SPIDR: variants seen among roughly 807,000 people sequenced by gnomAD.
SPIDR encodes the protein DNA repair-scaffolding protein.
Under a neutral mutation model 104.6 loss-of-function variants are expected in SPIDR, and 93 were observed. The ratio of observed to expected loss-of-function variants is 0.89; its 90% CI spans 0.75 to 1.06. SPIDR has a LOEUF of 1.06. SPIDR is among the 50% of genes least tolerant of loss of function. SPIDR has a pLI of 0.00. For synonymous variants in SPIDR, 431 were observed against 416.9 expected, an observed-to-expected ratio of 1.03 and a Z score of -0.41; for missense variants, 1,154 against 1,111.2, an observed-to-expected ratio of 1.04 and a Z score of -0.55.
At chr8:47,397,196 CAATG>C (rs1180813878) in intron 6 of SPIDR, among the ~76,000 whole-genome samples, 1 of 151,970 alleles carries the variant, frequency 6.6e-6, no homozygotes, top group African/African-American at 2.4e-5. Context: ...AGCAAAGACT[CAATG>C]AAGGTAAGAA....
intron 11 of SPIDR, among the ~76,000 whole-genome samples, chr8:47,678,319 G>A (rs2076688217): frequency 6.6e-6 from 1 of 152,220 alleles, no homozygotes; most frequent in African/African-American, 2.4e-5. Context: ...GAGTAAGACT[G>A]TCTACTCCTG....
intron 8 of SPIDR, among the ~76,000 whole-genome samples, chr8:47,451,336 A>G (rs782338269): frequency 7.2e-5 from 11 of 152,086 alleles, no homozygotes; most frequent in East Asian, 1.9e-4. Context: ...AATCCCAGCA[A>G]TTTGGGAGGC....
chr8:47,471,908 C>A (rs1586286689), intron 8 of SPIDR, among the ~76,000 whole-genome samples: 1 of 152,222 alleles, frequency 6.6e-6, no homozygotes, highest in East Asian at 1.9e-4. Flanking sequence ...GAATTAAGGG[C>A]AATAATTCCT....
At chr8:47,582,559 G>T (rs1001672664) in intron 8 of SPIDR, among the ~76,000 whole-genome samples, 2 of 152,056 alleles carry the variant, frequency 1.3e-5, no homozygotes, top group Non-Finnish European at 2.9e-5. Context: ...GTTTAATTGA[G>T]TTCCACGTAT....
intron 8 of SPIDR, among the ~76,000 whole-genome samples, chr8:47,458,058 C>G (rs11993708): frequency 0.028 from 4,244 of 152,086 alleles, 210 homozygotes; most frequent in African/African-American, 0.095. Context: ...TTGGCTTAGT[C>G]TTGCTTTGGC....
intron 8 of SPIDR, among the ~76,000 whole-genome samples, chr8:47,482,151 A>G (rs2076966997): frequency 6.6e-6 from 1 of 152,084 alleles, no homozygotes; most frequent in Non-Finnish European, 1.5e-5. Context: ...GAGCAGTTCC[A>G]CCCTCAGTGT....
At chr8:47,361,640 G>A (rs1183915302) in intron 5 of SPIDR, among the ~76,000 whole-genome samples, 7 of 152,198 alleles carry the variant, frequency 4.6e-5, no homozygotes, top group African/African-American at 1.7e-4. Flanking sequence ...CTCTGGGGTG[G>A]GGCTCCACCC....
At chr8:47,676,313 G>T (rs2076440467) in intron 11 of SPIDR, among the ~76,000 whole-genome samples, 1 of 152,094 alleles carries the variant, frequency 6.6e-6, no homozygotes, top group Non-Finnish European at 1.5e-5. Flanking sequence ...AATATTTGAT[G>T]CTTTTTTAGG....
At chr8:47,293,229 C>G (rs940438502) in intron 4 of SPIDR, among the ~76,000 whole-genome samples, 3 of 151,726 alleles carry the variant, frequency 2.0e-5, no homozygotes, top group South Asian at 4.2e-4. Context: ...TGGGCTCGAG[C>G]GATCCTACTA....
chr8:47,424,013 C>T (rs1437275329), intron 7 of SPIDR, among the ~76,000 whole-genome samples: 9 of 152,156 alleles, frequency 5.9e-5, no homozygotes, highest in Admixed American at 3.3e-4. Flanking sequence ...TCCTGCTCTC[C>T]TTATTTTAGA....
intron 7 of SPIDR, among the ~76,000 whole-genome samples, chr8:47,438,194 C>T (rs958238842): frequency 7.2e-5 from 11 of 152,112 alleles, no homozygotes; most frequent in Non-Finnish European, 1.5e-5. Flanking sequence ...TTGAGCAGAC[C>T]CCTGGGTGCT....
chr8:47,576,875 G>A (rs941849191), intron 8 of SPIDR, among the ~76,000 whole-genome samples: 1 of 151,520 alleles, frequency 6.6e-6, no homozygotes, highest in African/African-American at 2.4e-5. Context: ...ATTATGGCTT[G>A]TATGTGACAA....
chr8:47,342,760 C>T (rs990236390), intron 5 of SPIDR, among the ~76,000 whole-genome samples: 2 of 152,148 alleles, frequency 1.3e-5, no homozygotes, highest in African/African-American at 4.8e-5. Context: ...AGTGCAGATA[C>T]CTCTCTTGGC....
chr8:47,450,802 G>A (rs2071578561), intron 8 of SPIDR, among the ~76,000 whole-genome samples: 1 of 152,188 alleles, frequency 6.6e-6, no homozygotes, highest in South Asian at 2.1e-4. Context: ...TACCAACCTG[G>A]AAGGAACCAC....
At chr8:47,309,521 C>G (rs1159399075) in intron 5 of SPIDR, among the ~76,000 whole-genome samples, 3 of 152,152 alleles carry the variant, frequency 2.0e-5, no homozygotes, top group Non-Finnish European at 2.9e-5. Context: ...TATAGCTGAA[C>G]TTTAGCTTAA....
At chr8:47,384,840 T>TA (rs1283560697) in intron 5 of SPIDR, among the ~76,000 whole-genome samples, 1 of 152,130 alleles carries the variant, frequency 6.6e-6, no homozygotes, top group Non-Finnish European at 1.5e-5. Context: ...GCCTAAGAAA[T>TA]ATTTATTTAT....
intron 5 of SPIDR, among the ~76,000 whole-genome samples, chr8:47,371,288 GATC>G (rs1235907864): frequency 1.3e-5 from 2 of 152,102 alleles, no homozygotes; most frequent in African/African-American, 4.8e-5. Context: ...CCCTTATGTA[GATC>G]ACAGGGATTA....
chr8:47,330,237 C>T (rs1298899840), intron 5 of SPIDR, among the ~76,000 whole-genome samples: 2 of 151,398 alleles, frequency 1.3e-5, no homozygotes, highest in Non-Finnish European at 2.9e-5. Context: ...TACAGAAAAA[C>T]TGAAAGGAAG....
chr8:47,499,495 G>A (rs1296469302), intron 8 of SPIDR, among the ~76,000 whole-genome samples: 1 of 151,246 alleles, frequency 6.6e-6, no homozygotes, highest in Non-Finnish European at 1.5e-5. Flanking sequence ...GGACAATTGA[G>A]CACCATGACT....
Sources: allele counts gnomAD v4.1 joint callset (sites outside exome capture counted in the v4.1 genomes callset), GRCh38; gene constraint gnomAD v4.1.1; transcripts MANE v1.5; gene names NCBI Gene and HGNC (gene_info 2026-07-23, HGNC 2026-07-21).